The following DDN variants were observed in gnomAD, a reference collection of about 807,000 sequenced individuals.
The protein encoded by DDN is dendrin.
DDN carries 4 observed loss-of-function variants against 7.3 expected under a neutral mutation model. That is an observed-to-expected ratio of 0.55 (90% CI 0.27 to 1.25). The LOEUF (loss-of-function observed/expected upper bound fraction) is 1.25. Among genes scored for constraint, DDN ranks in the 50% most tolerant of loss-of-function variants. The probability of loss-of-function intolerance (pLI) is 0.12; values close to 1 mark genes in which losing one functional copy is unlikely to be tolerated. For missense variants in DDN, 933 were observed against 974.7 expected (o/e 0.96, Z 0.57); for synonymous variants, 425 against 424.3 (o/e 1.00, Z -0.02).
At position 48,996,453 on chromosome 12, in the gene DDN, A is replaced by G; in HGVS notation, c.*287T>C. Reference sequence around the variant, plus strand: ...CCTGCCCTCCTGCCTGATCCTGGTTAGGCCTCTCTGCTCAGCTCCACACCC... The same window carrying G: ...CCTGCCCTCCTGCCTGATCCTGGTTGGGCCTCTCTGCTCAGCTCCACACCC... On this transcript the variant is annotated 3_prime_UTR_variant, in exon 2 of 2. Coordinates refer to ENST00000421952, the MANE Select transcript of DDN (RefSeq NM_015086.2). 2.9e-6 allele frequency: 1 copy of G among 347,080 alleles called. No homozygotes were observed. The highest frequency in any genetic ancestry group is 4.4e-5 in the South Asian group (1 of 22,644). 21.5% of individuals were successfully genotyped at this position (347,080 alleles called of 1,614,324 possible).
chr12:48,997,540 G>A lies in DDN; in HGVS notation c.1336C>T (p.Leu446=). 6.2e-7 allele frequency: 1 copy of A among 1,605,146 alleles called. No individual in the cohort carries two copies. Among genetic ancestry groups the A allele is most frequent in the Non-Finnish European group, 8.5e-7 (1 of 1,173,736 alleles). Residue 446 remains leucine, a synonymous_variant, in exon 2 of 2, where the codon CTG becomes TTG. Transcript: ENST00000421952. ...AHTLPRSSQG[L]SRGEGVFVID... ...ACAAAGACGCCTTCCCCACGGGACA[G>A]GCCCTGGGAACTGCGGGGCAAGGTG...
Position 48,997,329 on chromosome 12 carries a change from C to T in DDN, c.1547G>A (p.Ser516Asn). 6.2e-7 allele frequency: 1 copy of T among 1,609,916 alleles called. No homozygotes were observed. The highest frequency in any genetic ancestry group is 8.5e-7 in the Non-Finnish European group (1 of 1,178,480). ...GCCGGGCTGGTGTAAAAGGCGACTG[C>T]TCGACAGCCGCTTTTGACAAGGGGA... is the stretch of plus-strand genomic sequence containing the variant. The part of the protein sequence containing the change: ...FPSPCQKRLS[S>N]SRLLHQPGGG... The change falls in exon 2 of 2, where the codon AGC becomes AAC. Residue 516 changes from serine to asparagine, a missense_variant. Transcript: ENST00000421952.
In DDN at chr12:48,999,344, C is replaced by T; in HGVS notation, c.-57G>A. 2 of 1,474,842 alleles carry T rather than the reference C, an allele frequency of 1.4e-6. No homozygotes were observed. The highest frequency in any genetic ancestry group is 1.8e-6 in the Non-Finnish European group (2 of 1,109,748). The allele number at this position is 1,474,842 out of a possible 1,614,324, so 91.4% of individuals were successfully genotyped here. A position where few individuals can be genotyped will look rare whatever the true frequency, so the allele number is the denominator to read the frequency against. ...CCCACCCGCCCCAGGAGCCCCCTCC[C>T]AGCCCAGGGAGCCGGCGCCCACTGC... On this transcript the variant is annotated 5_prime_UTR_variant, in exon 1 of 2. Transcript: ENST00000421952.
In DDN at chr12:48,995,581, G is replaced by A. The variant is rs779180279; in HGVS notation, c.*1159C>T. ...GGGATTAGCAACTGGGGAGATCCGC[G>A]ACCTGCGCGCGCCCTGTAGTGGCTA... On this transcript the variant is annotated 3_prime_UTR_variant, in exon 2 of 2. Coordinates refer to ENST00000421952, the MANE Select transcript of DDN (RefSeq NM_015086.2). The A allele has an allele frequency of 6.6e-6, 1 of 152,316 alleles. No individual in the cohort carries two copies. Among genetic ancestry groups the A allele is most frequent in the African/African-American group, 2.4e-5 (1 of 41,452 alleles). 9.4% of individuals were successfully genotyped at this position (152,316 alleles called of 1,614,324 possible).
At position 48,997,047 on chromosome 12, in the gene DDN, G is replaced by A. The variant is rs1352396931; in HGVS notation, c.1829C>T (p.Ala610Val). The change falls in exon 2 of 2, where the codon GCC becomes GTC. Residue 610 changes from alanine (A) to valine (V), a missense_variant. Physicochemically the swap from Ala to Val is moderately conservative, Grantham distance 64. Transcript: ENST00000421952. Reference sequence around the variant, plus strand: ...GATACGGGACACGGCTTCTCGCAGGGCCCCGGCGTAGGGCCCTGGGGTCCG... The same window carrying A: ...GATACGGGACACGGCTTCTCGCAGGACCCCGGCGTAGGGCCCTGGGGTCCG... Reference protein sequence around the residue: ...WARTPGPYAGALREAVSRIRR... With the variant: ...WARTPGPYAGVLREAVSRIRR... 1.3e-6 allele frequency: 2 copies of A among 1,553,008 alleles called. No individual in the cohort carries two copies. The highest frequency in any genetic ancestry group is 1.9e-5 in the Admixed American group (1 of 52,342).
chr12:48,997,035 G>A lies in DDN; in HGVS notation c.1841C>T (p.Ala614Val). ...PGPYAGALRE[A>V]VSRIRRHTAP... ...TGTGTGGCGGCGGATACGGGACACGGCTTCTCGCAGGGCCCCGGCGTAGGG... is the reference window on the plus strand; with the variant it reads ...TGTGTGGCGGCGGATACGGGACACGACTTCTCGCAGGGCCCCGGCGTAGGG... Residue 614 changes from alanine (A) to valine (V), a missense_variant, in exon 2 of 2, where the codon GCC becomes GTC. Physicochemically the swap from Ala to Val is moderately conservative, Grantham distance 64. Transcript: ENST00000421952. 1.3e-6 allele frequency: 2 copies of A among 1,559,408 alleles called. No homozygotes were observed. Among genetic ancestry groups the A allele is most frequent in the Non-Finnish European group, 1.7e-6 (2 of 1,155,168 alleles).
chr12:48,997,775 G>A lies in DDN; in HGVS notation c.1101C>T (p.His367=), dbSNP rs1186041939. 6.2e-6 allele frequency: 10 copies of A among 1,611,582 alleles called. No homozygotes were observed. The Admixed American group carries it at 1.5e-4, about 24-fold the overall frequency. ...APHPAPRSRH[H]LKGSREGKEG... ...CTTTCCCTTCCCTCGAGCCCTTGAG[G>A]TGGTGCCTGGATCTGGGAGCGGGAT... Residue 367 remains histidine, a synonymous_variant, in exon 2 of 2, where the codon CAC becomes CAT. Coordinates refer to ENST00000421952, the MANE Select transcript of DDN (RefSeq NM_015086.2).
rs1324546765 is a variant in DDN at position 48,997,502 on chromosome 12, C to G, written c.1374G>C (p.Thr458=). 2 of 1,609,194 alleles carry G rather than the reference C, an allele frequency of 1.2e-6. 1 individual carries two copies. Among genetic ancestry groups the G allele is most frequent in the South Asian group, 2.2e-5 (2 of 90,902 alleles). Residue 458 remains threonine, a synonymous_variant, in exon 2 of 2, where the codon ACG becomes ACC. Transcript: ENST00000421952. ...RGEGVFVIDA[T]CVVIRSQYVP... is the part of the protein sequence containing the mutation. ...CATATTGGGATCGTATCACTACGCACGTGGCGTCAATGACAAAGACGCCTT... is the reference window on the plus strand; with the variant it reads ...CATATTGGGATCGTATCACTACGCAGGTGGCGTCAATGACAAAGACGCCTT...
At position 48,998,315 on chromosome 12, in the gene DDN, C is replaced by A; in HGVS notation, c.561G>T (p.Ser187=). The A allele has an allele frequency of 6.3e-7, 1 of 1,575,346 alleles. No individual in the cohort carries two copies. The highest frequency in any genetic ancestry group is 8.6e-7 in the Non-Finnish European group (1 of 1,164,716). ...PSAQPQSDPG[S]AWAGPWGGRR... ...GACCTCCCCAGGGCCCCGCCCACGCCGACCCTGGGTCGCTCTGCGGCTGCG... is the reference window on the plus strand; with the variant it reads ...GACCTCCCCAGGGCCCCGCCCACGCAGACCCTGGGTCGCTCTGCGGCTGCG... The change falls in exon 2 of 2, where the codon TCG becomes TCT. Residue 187 remains serine, a synonymous_variant. Coordinates refer to ENST00000421952, the MANE Select transcript of DDN (RefSeq NM_015086.2).
chr12:48,996,797 G>A lies in DDN; in HGVS notation c.2079C>T (p.Val693=), dbSNP rs1941210475. ...ILDVISQTEE[V]LFGVRDIRGT... is the part of the protein sequence containing the mutation. ...CTCTGATGTCCCTCACCCCGAAGAG[G>A]ACCTCCTCGGTTTGGCTTATGACAT... is the stretch of plus-strand genomic sequence containing the variant. Residue 693 remains valine (V), a synonymous_variant, in exon 2 of 2, where the codon GTC becomes GTT. Coordinates refer to ENST00000421952, the MANE Select transcript of DDN (RefSeq NM_015086.2). 1 of 1,614,154 alleles carries A rather than the reference G, an allele frequency of 6.2e-7. No homozygotes were observed. The highest frequency in any genetic ancestry group is 8.5e-7 in the Non-Finnish European group (1 of 1,180,008).
Position 48,996,776 on chromosome 12 carries a change from G to A in DDN, c.2100C>T (p.Ile700=), listed in dbSNP as rs1255602705. ...TEEVLFGVRD[I]RGTQQGNRKR... ...TCCTATTTCCCTGTTGGGTCCCTCT[G>A]ATGTCCCTCACCCCGAAGAGGACCT... The change falls in exon 2 of 2, where the codon ATC becomes ATT. Residue 700 remains isoleucine (I), a synonymous_variant. Coordinates refer to ENST00000421952, the MANE Select transcript of DDN (RefSeq NM_015086.2). 5.0e-6 allele frequency: 8 copies of A among 1,614,116 alleles called. No homozygotes were observed. The highest frequency in any genetic ancestry group is 6.8e-6 in the Non-Finnish European group (8 of 1,179,996).
chr12:48,997,294 C>T lies in DDN; in HGVS notation c.1582G>A (p.Gly528Arg), dbSNP rs1229917759. ...RLLHQPGGGR[G>R]GEAEGGRPGD... ...GGCCTCCCGCCCTCAGCTTCGCCCC[C>T]GCGGCCCCCGCCGGGCTGGTGTAAA... The change falls in exon 2 of 2, where the codon GGG (glycine) becomes AGG (arginine). Residue 528 changes from glycine (G) to arginine (R), a missense_variant. Transcript: ENST00000421952. 4 of 1,608,302 alleles carry T rather than the reference C, an allele frequency of 2.5e-6. No individual in the cohort carries two copies. The African/African-American group carries it at 4.0e-5, about 16-fold the overall frequency.
Position 48,998,818 on chromosome 12 carries a change from T to A in DDN, c.210-152A>T, listed in dbSNP as rs534008808. The A allele has an allele frequency of 1.4e-5, 15 of 1,075,574 alleles. No homozygotes were observed. In the South Asian group the frequency reaches 2.5e-4, roughly 18 times the overall value. 66.6% of individuals were successfully genotyped at this position (1,075,574 alleles called of 1,614,324 possible). On this transcript the variant is annotated intron_variant, in intron 1 of 1. Transcript: ENST00000421952. ...TGTGCACGTGCGTATATGTTAGGACTGAAGTCGAAGCGGGACTCCTCGCCA... is the reference window on the plus strand; with the variant it reads ...TGTGCACGTGCGTATATGTTAGGACAGAAGTCGAAGCGGGACTCCTCGCCA...
intron 1 of DDN, 47 bp from the exon 2 acceptor site, chr12:48,998,713 G>C: frequency 6.9e-7 from 1 of 1,445,716 alleles, no homozygotes; most frequent in South Asian, 1.5e-5. Flanking sequence ...TGGGGGAAGG[G>C]AGCCGAGGTC....
rs1235123646 is a variant in DDN at position 48,996,522 on chromosome 12, A to C, written c.*218T>G. The C allele has an allele frequency of 1.8e-5, 14 of 767,054 alleles. No homozygotes were observed. The highest frequency in any genetic ancestry group is 2.8e-5 in the Non-Finnish European group (14 of 503,570). The allele number at this position is 767,054 out of a possible 1,614,324, so 47.5% of individuals were successfully genotyped here. ...AAGAGCTCACCCTTGTGCCCTGAAC[A>C]TAACAGACATTAATTAAATCTGCTC... is the stretch of plus-strand genomic sequence containing the variant. On this transcript the variant is annotated 3_prime_UTR_variant, in exon 2 of 2. Coordinates refer to ENST00000421952, the MANE Select transcript of DDN (RefSeq NM_015086.2).
In DDN at chr12:48,997,644, C is replaced by T. The variant is rs1438064556; in HGVS notation, c.1232G>A (p.Gly411Glu). The T allele has an allele frequency of 3.9e-6, 6 of 1,548,322 alleles. No homozygotes were observed. In the East Asian group the frequency reaches 1.4e-4, roughly 35 times the overall value. ...LPRPWAPGGTGWRESLGLGEG... is the reference protein window; with the variant it reads ...LPRPWAPGGTEWRESLGLGEG... ...TCCAAGACCCAGAGATTCTCTCCAT[C>T]CGGTGCCTCCGGGAGCCCAGGGTCT... The change falls in exon 2 of 2, where the codon GGA (glycine) becomes GAA (glutamate). Residue 411 changes from glycine (G) to glutamate (E), a missense_variant. Physicochemically the swap from Gly to Glu is moderately conservative, Grantham distance 98. Coordinates refer to ENST00000421952, the MANE Select transcript of DDN (RefSeq NM_015086.2).
At position 48,998,013 on chromosome 12, in the gene DDN, C is replaced by T; in HGVS notation, c.863G>A (p.Arg288Gln). 6.2e-7 allele frequency: 1 copy of T among 1,613,628 alleles called. No individual in the cohort carries two copies. Among genetic ancestry groups the T allele is most frequent in the Non-Finnish European group, 8.5e-7 (1 of 1,180,032 alleles). ...TCCCCCCAAGAGACCTTGCCCCTGT[C>T]GGAGACCCCAAGCCCCGAGGACGTC... The part of the protein sequence containing the change: ...YRDVLGAWGL[R>Q]QGQGLLGGSP... The change falls in exon 2 of 2, where the codon CGA (arginine) becomes CAA (glutamine). Residue 288 changes from arginine (R) to glutamine (Q), a missense_variant. Physicochemically the swap from Arg to Gln is conservative, Grantham distance 43. Transcript: ENST00000421952.
chr12:48,997,994 C>G lies in DDN; in HGVS notation c.882G>C (p.Leu294Phe). ...CCGCTCCACAGCCTGGGGATCCCCCCAAGAGACCTTGCCCCTGTCGGAGAC... is the reference window on the plus strand; with the variant it reads ...CCGCTCCACAGCCTGGGGATCCCCCGAAGAGACCTTGCCCCTGTCGGAGAC... ...AWGLRQGQGL[L>F]GGSPGCGAAR... Residue 294 changes from leucine to phenylalanine, a missense_variant, in exon 2 of 2, where the codon TTG becomes TTC. Leu to Phe is a conservative substitution (Grantham distance 22). Coordinates refer to ENST00000421952, the MANE Select transcript of DDN (RefSeq NM_015086.2). 1.2e-6 allele frequency: 2 copies of G among 1,613,442 alleles called. No homozygotes were observed. Among genetic ancestry groups the G allele is most frequent in the Admixed American group, 3.3e-5 (2 of 60,032 alleles).
rs774753545 is a variant in DDN at position 48,997,115 on chromosome 12, C to T, written c.1761G>A (p.Ser587=). Residue 587 remains serine (S), a synonymous_variant, in exon 2 of 2, where the codon TCG becomes TCA. Transcript: ENST00000421952. ...ASGAQGRAEG[S]EVAVVQRRAG... ...CGCGCCGCTGGACCACCGCCACTTC[C>T]GACCCCTCGGCTCTGCCCTGGGCTC... The T allele has an allele frequency of 4.6e-6, 7 of 1,525,856 alleles. No individual in the cohort carries two copies. The South Asian group carries it at 9.2e-5, about 20-fold the overall frequency. 94.5% of individuals were successfully genotyped at this position (1,525,856 alleles called of 1,614,324 possible). A position where few individuals can be genotyped will look rare whatever the true frequency, so the allele number is the denominator to read the frequency against.
Sources: gnomAD v4.1 joint callset for allele counts on GRCh38, gnomAD v4.1.1 for gene constraint, MANE v1.5 for transcripts, NCBI Gene and HGNC (gene_info 2026-07-23, HGNC 2026-07-21) for gene names.